The following ZNF217 variants were observed in gnomAD, a reference collection of about 807,000 sequenced individuals.
The protein encoded by ZNF217 is zinc finger protein 217.
A neutral mutation model predicts 73.3 loss-of-function variants in ZNF217; 12 were observed. The ratio of observed to expected loss-of-function variants is 0.16; its 90% CI spans 0.10 to 0.27. The LOEUF is 0.27. Ranked by LOEUF, ZNF217 falls within the 10% of genes least tolerant of loss-of-function variation. ZNF217 has a pLI of 1.00. For missense variants in ZNF217, 1,195 were observed against 1,327.8 expected (o/e 0.90, Z 1.55); for synonymous variants, 588 against 516.4 (o/e 1.14, Z -1.88).
Position 53,568,982 on chromosome 20 carries a change from A to C in ZNF217, c.*306T>G. ...CAGCGCTCAAGTATGCAAAAATTCCACTTCTTATTTGGTCAATTCTAAGAA... is the reference window on the plus strand; with the variant it reads ...CAGCGCTCAAGTATGCAAAAATTCCCCTTCTTATTTGGTCAATTCTAAGAA... On this transcript the variant is annotated 3_prime_UTR_variant, in exon 6 of 6. Coordinates refer to ENST00000371471, the MANE Select transcript of ZNF217 (RefSeq NM_006526.3). 2.1e-6 allele frequency: 1 copy of C among 477,708 alleles called. No individual in the cohort carries two copies. 29.6% of individuals were successfully genotyped at this position (477,708 alleles called of 1,614,324 possible). A position where few individuals can be genotyped will look rare whatever the true frequency, so the allele number is the denominator to read the frequency against.
chr20:53,581,903 G>A lies in ZNF217; in HGVS notation c.924C>T (p.Ala308=), dbSNP rs1294270071. Residue 308 remains alanine, a synonymous_variant, in exon 2 of 6, where the codon GCC becomes GCT. Coordinates refer to ENST00000371471, the MANE Select transcript of ZNF217 (RefSeq NM_006526.3). This position sits in a 1 kb window ranked among gnomAD's most constrained non-coding sequence, Gnocchi z 4.9. ...AWQLATKGKV[A]ICQEVKESGQ... is the part of the protein sequence containing the mutation. ...CCGATTCCTTCACTTCTTGGCAAATGGCAACTTTTCCTTTGGTAGCCAGCT... is the reference window on the plus strand; with the variant it reads ...CCGATTCCTTCACTTCTTGGCAAATAGCAACTTTTCCTTTGGTAGCCAGCT... The A allele has an allele frequency of 6.2e-7, 1 of 1,614,214 alleles. No homozygotes were observed. Among genetic ancestry groups the A allele is most frequent in the South Asian group, 1.1e-5 (1 of 91,086 alleles).
At chr20:53,588,274 T>C (rs1371658291) in intron 1 of ZNF217, among the ~76,000 whole-genome samples, 1 of 152,230 alleles carries the variant, frequency 6.6e-6, no homozygotes, top group African/African-American at 2.4e-5. Flanking sequence ...TATAACATAC[T>C]AGTTTTAGTT....
intron 1 of ZNF217, among the ~76,000 whole-genome samples, chr20:53,584,779 A>G (rs1393758446): frequency 6.6e-6 from 1 of 152,218 alleles, no homozygotes; most frequent in Non-Finnish European, 1.5e-5. Flanking sequence ...TCAGAATGTG[A>G]AGTGACTTAG....
At position 53,581,724 on chromosome 20, in the gene ZNF217, G is replaced by C. The variant is rs138564422; in HGVS notation, c.1103C>G (p.Pro368Arg). The C allele has an allele frequency of 2.4e-4, 395 of 1,614,106 alleles. No homozygotes were observed. Among genetic ancestry groups the C allele is most frequent in the Non-Finnish European group, 3.1e-4 (364 of 1,180,040 alleles). The change falls in exon 2 of 6, where the codon CCC (proline) becomes CGC (arginine). Residue 368 changes from proline (P) to arginine (R), a missense_variant. Coordinates refer to ENST00000371471, the MANE Select transcript of ZNF217 (RefSeq NM_006526.3). The surrounding 1 kb of genome is among the most constrained non-coding windows in gnomAD (Gnocchi z 4.9). ...APSVDADPKL[P>R]SSKEKPTHCS... is the part of the protein sequence containing the mutation. ...GTGAGTGGGCTTCTCCTTGCTACTGGGTAACTTGGGATCCGCGTCCACGGA... is the reference window on the plus strand; with the variant it reads ...GTGAGTGGGCTTCTCCTTGCTACTGCGTAACTTGGGATCCGCGTCCACGGA...
chr20:53,595,683 A>G (rs968694623), upstream of ZNF217, among the ~76,000 whole-genome samples: 4 of 152,350 alleles, frequency 2.6e-5, no homozygotes, highest in African/African-American at 7.2e-5. Context: ...TTTTTCACTC[A>G]AGTCCACTGA....
chr20:53,594,255 G>A (rs1988994923), upstream of ZNF217, among the ~76,000 whole-genome samples: 1 of 151,760 alleles, frequency 6.6e-6, no homozygotes, highest in Non-Finnish European at 1.5e-5. Flanking sequence ...GGGGACTGTT[G>A]GGTCAGAAAG....
At position 53,576,150 on chromosome 20, in the gene ZNF217, T is replaced by C; in HGVS notation, c.2614A>G (p.Thr872Ala). Residue 872 changes from threonine to alanine, a missense_variant, in exon 4 of 6, where the codon ACC becomes GCC. By Grantham distance (58) the Thr-to-Ala change is moderately conservative. This residue lies in a region of ZNF217 where 649 missense variants were observed against 642.8 expected (regional missense o/e 1.01). Coordinates refer to ENST00000371471, the MANE Select transcript of ZNF217 (RefSeq NM_006526.3). Reference protein sequence around the residue: ...KPLPVAPSQPTLGSSNINGSI... With the variant: ...KPLPVAPSQPALGSSNINGSI... ...CCATTGATGTTACTGCTGCCGAGGG[T>C]GGGCTGAGAAGGAGCTACTGGAAGA... 1 of 1,614,086 alleles carries C rather than the reference T, an allele frequency of 6.2e-7. No individual in the cohort carries two copies. Among genetic ancestry groups the C allele is most frequent in the African/African-American group, 1.3e-5 (1 of 75,012 alleles).
Position 53,577,159 on chromosome 20 carries a change from G to T in ZNF217, c.1605C>A (p.Asn535Lys). 1 of 1,613,910 alleles carries T rather than the reference G, an allele frequency of 6.2e-7. No individual in the cohort carries two copies. The highest frequency in any genetic ancestry group is 1.3e-5 in the African/African-American group (1 of 75,046). ...CTTCAGTGTCCTGATTTTTACCATC[G>T]TTCTTGACTTCAGCAGCAACATCGG... The part of the protein sequence containing the change: ...KQTDVAAEVK[N>K]DGKNQDTEDA... The change falls in exon 4 of 6, where the codon AAC (asparagine) becomes AAA (lysine). Residue 535 changes from asparagine (N) to lysine (K), a missense_variant. By Grantham distance (94) the Asn-to-Lys change is moderately conservative. Transcript: ENST00000371471.
At chr20:53,590,048 C>A (rs1819286) in intron 1 of ZNF217, among the ~76,000 whole-genome samples, 47,952 of 151,868 alleles carry the variant, frequency 0.32, 9,033 homozygotes, top group East Asian at 0.45. Flanking sequence ...ATGTTGGTAG[C>A]TGTTCTGTAA....
chr20:53,575,734 C>A lies in ZNF217; in HGVS notation c.3030G>T (p.Thr1010=). 1 of 1,576,136 alleles carries A rather than the reference C, an allele frequency of 6.3e-7. No individual in the cohort carries two copies. Residue 1010 remains threonine (T), a synonymous_variant, in exon 4 of 6, where the codon ACG becomes ACT. Transcript: ENST00000371471. Reference sequence around the variant, plus strand: ...ACGCCCCTCATGCAATACCTTCTAACGTCGAGCTGGATGCTGGACTACCAG... The same window carrying A: ...ACGCCCCTCATGCAATACCTTCTAAAGTCGAGCTGGATGCTGGACTACCAG... ...VPAGSPASSS[T]LEGKRPVSYQ... is the part of the protein sequence containing the mutation.
chr20:53,581,568 C>T lies in ZNF217; in HGVS notation c.1259G>A (p.Cys420Tyr), dbSNP rs763255304. Residue 420 changes from cysteine to tyrosine, a missense_variant, in exon 2 of 6, where the codon TGT becomes TAT. This residue lies in a region of ZNF217 where 116 missense variants were observed against 121.9 expected (regional missense o/e 0.95). Coordinates refer to ENST00000371471, the MANE Select transcript of ZNF217 (RefSeq NM_006526.3). The surrounding 1 kb of genome is among the most constrained non-coding windows in gnomAD (Gnocchi z 4.9). Reference sequence around the variant, plus strand: ...CAGAGGGGCGGCGAGGTCAGGAGAACACGTCCCCGGCTGCCTCCCGTCCAC... The same window carrying T: ...CAGAGGGGCGGCGAGGTCAGGAGAATACGTCCCCGGCTGCCTCCCGTCCAC... Reference protein sequence around the residue: ...MSVDGRQPGTCSPDLAAPLDE... With the variant: ...MSVDGRQPGTYSPDLAAPLDE... 1 of 1,614,144 alleles carries T rather than the reference C, an allele frequency of 6.2e-7. No individual in the cohort carries two copies.
chr20:53,576,693 C>A lies in ZNF217; in HGVS notation c.2071G>T (p.Val691Leu). The A allele has an allele frequency of 6.2e-7, 1 of 1,614,178 alleles. No homozygotes were observed. The highest frequency in any genetic ancestry group is 1.1e-5 in the South Asian group (1 of 91,080). The change falls in exon 4 of 6, where the codon GTG (valine) becomes TTG (leucine). Residue 691 changes from valine (V) to leucine (L), a missense_variant. By Grantham distance (32) the Val-to-Leu change is conservative. Around this residue, in one of 9 missense-constraint regions of ZNF217, gnomAD observed 649 missense variants for 642.8 expected, o/e 1.01. Transcript: ENST00000371471. Reference protein sequence around the residue: ...DCHEKPLNLSVGALHNCPAIS... With the variant: ...DCHEKPLNLSLGALHNCPAIS... Reference sequence around the variant, plus strand: ...GCCGGGCAATTGTGAAGAGCCCCCACGGATAAATTTAAAGGTTTTTCGTGA... The same window carrying A: ...GCCGGGCAATTGTGAAGAGCCCCCAAGGATAAATTTAAAGGTTTTTCGTGA...
intron 1 of ZNF217, among the ~76,000 whole-genome samples, chr20:53,593,215 C>G (rs1388651472): frequency 6.6e-6 from 1 of 152,014 alleles, no homozygotes; most frequent in Non-Finnish European, 1.5e-5. Context: ...GAGGCGCCCT[C>G]CGCCCGGCCC....
Position 53,575,738 on chromosome 20 carries a change from G to A in ZNF217, c.3026C>T (p.Ser1009Leu), listed in dbSNP as rs759010618. 7.3e-5 allele frequency: 116 copies of A among 1,581,680 alleles called. No homozygotes were observed. The highest frequency in any genetic ancestry group is 9.7e-5 in the Non-Finnish European group (113 of 1,164,842). The change falls in exon 4 of 6, where the codon TCG becomes TTG. Residue 1009 changes from serine (S) to leucine (L), a missense_variant. By Grantham distance (145) the Ser-to-Leu change is moderately radical. This residue lies in a region of ZNF217 where 649 missense variants were observed against 642.8 expected (regional missense o/e 1.01). Coordinates refer to ENST00000371471, the MANE Select transcript of ZNF217 (RefSeq NM_006526.3). ...CCCTCATGCAATACCTTCTAACGTC[G>A]AGCTGGATGCTGGACTACCAGCAGG... is the stretch of plus-strand genomic sequence containing the variant. ...CVPAGSPASS[S>L]TLEGKRPVSY...
At chr20:53,573,441 A>G (rs1375294004) in intron 4 of ZNF217, among the ~76,000 whole-genome samples, 1 of 151,170 alleles carries the variant, frequency 6.6e-6, no homozygotes, top group African/African-American at 2.4e-5. Flanking sequence ...CCTCCCATAT[A>G]CTTTACTTAC....
At chr20:53,597,410 C>G (rs1046165387), upstream of ZNF217, among the ~76,000 whole-genome samples, 1 of 152,072 alleles carries the variant, frequency 6.6e-6, no homozygotes, top group Admixed American at 6.6e-5. Context: ...CATCTGCAAA[C>G]TACAAAGGAC....
rs1987884855 is a variant in ZNF217 at position 53,569,270 on chromosome 20, G to C, written c.*24-6C>G. 7.6e-7 allele frequency: 1 copy of C among 1,310,504 alleles called. No homozygotes were observed. The highest frequency in any genetic ancestry group is 1.3e-5 in the South Asian group (1 of 78,544). The allele number at this position is 1,310,504 out of a possible 1,614,324, so 81.2% of individuals were successfully genotyped here. On this transcript the variant is annotated splice_region_variant and splice_polypyrimidine_tract_variant and intron_variant, in intron 5 of 5. Transcript: ENST00000371471. ...GCACTGACATCCACCAAGACCTAAG[G>C]AAAACAACATTTTTTAAATGATTAA... is the stretch of plus-strand genomic sequence containing the variant.
chr20:53,588,357 T>C lies in ZNF217; in HGVS notation c.-342-5189A>G, dbSNP rs1351659579. Among the ~76,000 whole-genome samples, 5 of 151,994 alleles carry C rather than the reference T, an allele frequency of 3.3e-5. No individual in the cohort carries two copies. In the East Asian group the frequency reaches 5.8e-4, roughly 18 times the overall value. ...CCTGATCTGAAAAAAAGTTATAATATAAGGAAAGTGAATTTTTAAAAACTT... is the reference window on the plus strand; with the variant it reads ...CCTGATCTGAAAAAAAGTTATAATACAAGGAAAGTGAATTTTTAAAAACTT... On this transcript the variant is annotated intron_variant, in intron 1 of 5. Transcript: ENST00000371471.
intron 1 of ZNF217, among the ~76,000 whole-genome samples, chr20:53,592,971 G>A (rs1476600453): frequency 2.6e-5 from 4 of 151,844 alleles, no homozygotes; most frequent in Admixed American, 6.5e-5. Flanking sequence ...GAGTTGTAAA[G>A]ATATTCTTTA....
Sources: gnomAD v4.1 joint callset for allele counts (sites outside exome capture counted in the v4.1 genomes callset) on GRCh38, gnomAD v4.1.1 for gene constraint, gnomAD v4.1.1 regional missense constraint, Gnocchi (gnomAD v3.1) non-coding constraint, MANE v1.5 for transcripts, NCBI Gene and HGNC (gene_info 2026-07-23, HGNC 2026-07-21) for gene names.